Variants in RBFOX1 observed in about 807,000 individuals in gnomAD.
RBFOX1 encodes RNA binding protein fox-1 homolog 1.
RBFOX1 carries 8 observed loss-of-function variants against 57.7 expected under a neutral mutation model. The observed-to-expected ratio is 0.14, with a 90% CI of 0.08 to 0.25. The LOEUF (loss-of-function observed/expected upper bound fraction) is 0.25. Among genes scored for constraint, RBFOX1 ranks in the 10% least tolerant of loss-of-function variants. The pLI, the probability that RBFOX1 is intolerant of heterozygous loss-of-function variation, is 1.00. For missense variants in RBFOX1, 611 were observed against 548.5 expected (o/e 1.11, Z -1.14); for synonymous variants, 326 against 222.4 (o/e 1.47, Z -4.15).
intron 4 of RBFOX1, among the ~76,000 whole-genome samples, chr16:7,452,798 T>C (rs943700639): frequency 6.6e-6 from 1 of 152,038 alleles, no homozygotes; most frequent in Non-Finnish European, 1.5e-5. Context: ...AAAGAAGAAA[T>C]AACTGAATAA....
chr16:6,920,610 G>T (rs537168839), intron 3 of RBFOX1, among the ~76,000 whole-genome samples: 1 of 152,322 alleles, frequency 6.6e-6, no homozygotes, highest in South Asian at 2.1e-4. Flanking sequence ...AAATCAAGAT[G>T]TGGAGATATT....
At chr16:6,873,035 A>G (rs1178186689) in intron 3 of RBFOX1, among the ~76,000 whole-genome samples, 1 of 151,896 alleles carries the variant, frequency 6.6e-6, no homozygotes, top group Admixed American at 6.6e-5. Context: ...TGTGTTCTAT[A>G]TTCTCAGCAT....
At chr16:7,024,649 A>G (rs73536859) in intron 3 of RBFOX1, among the ~76,000 whole-genome samples, 7,654 of 152,064 alleles carry the variant, frequency 0.05, 665 homozygotes, top group African/African-American at 0.17. Context: ...GCTTAGGGAG[A>G]TCTCCTGTTC....
rs373922568 is a variant in RBFOX1, at chr16:7,538,207, A to G, written c.270+19818A>G. Among the ~76,000 whole-genome samples, 17 of 152,292 alleles carry G rather than the reference A, an allele frequency of 1.1e-4. 1 individual carries two copies. The highest frequency in any genetic ancestry group is 5.2e-4 in the Admixed American group (8 of 15,294). On this transcript the variant is annotated intron_variant, in intron 5 of 15. Coordinates refer to ENST00000550418, the MANE Select transcript of RBFOX1 (RefSeq NM_018723.4). ...GAGTGAGAGTTTGTTGAGGAAGGCT[A>G]TCTCGTGCCTGGGCTTCACTTGAAT... is the stretch of plus-strand genomic sequence containing the variant.
intron 1 of RBFOX1, among the ~76,000 whole-genome samples, chr16:6,278,465 T>C (rs2076064055): frequency 6.8e-6 from 1 of 146,432 alleles, no homozygotes; most frequent in Non-Finnish European, 1.5e-5. Flanking sequence ...CATAAATCTG[T>C]GCGTCACCTC....
intron 4 of RBFOX1, among the ~76,000 whole-genome samples, chr16:5,997,866 C>A (rs947858885): frequency 6.6e-6 from 1 of 151,728 alleles, no homozygotes; most frequent in Admixed American, 6.6e-5. Context: ...TTTTTATTTG[C>A]TGATAGTCAA....
rs1324879272 is a variant in RBFOX1 at position 7,647,546 on chromosome 16, G to GAA, written c.758-6255_758-6254dup. ...GTGAGTTAACTTGAAATTGAACTAGGAAAAAAAAAAAAAAAGCAAACTTGC... is the reference window on the plus strand; with the variant it reads ...GTGAGTTAACTTGAAATTGAACTAGGAAAAAAAAAAAAAAAAAGCAAACTTGC... On this transcript the variant is annotated intron_variant, in intron 11 of 15. Transcript: ENST00000550418. Among the ~76,000 whole-genome samples, 4 of 87,990 alleles carry GAA rather than the reference G, an allele frequency of 4.5e-5. 1 individual carries two copies. The highest frequency in any genetic ancestry group is 2.6e-5 in the Non-Finnish European group (1 of 38,152). 57.7% of individuals were successfully genotyped at this position (87,990 alleles called of 152,430 possible). A position where few individuals can be genotyped will look rare whatever the true frequency, so the allele number is the denominator to read the frequency against.
At chr16:5,522,421 A>G (rs2044058295) in intron 2 of RBFOX1, among the ~76,000 whole-genome samples, 1 of 152,250 alleles carries the variant, frequency 6.6e-6, no homozygotes, top group Admixed American at 6.5e-5. Flanking sequence ...ACTGATACAT[A>G]GTATTTGCAG....
chr16:6,139,471 A>G (rs1246485116), intron 1 of RBFOX1, among the ~76,000 whole-genome samples: 1 of 152,194 alleles, frequency 6.6e-6, no homozygotes, highest in Non-Finnish European at 1.5e-5. Flanking sequence ...CATTCAGCAC[A>G]GTTCAGCCTG....
chr16:5,321,304 T>C (rs2064397292), intron 1 of RBFOX1, among the ~76,000 whole-genome samples: 1 of 149,308 alleles, frequency 6.7e-6, no homozygotes, highest in African/African-American at 2.4e-5. Context: ...TACTAAAACA[T>C]GAGATATAAG....
intron 2 of RBFOX1, among the ~76,000 whole-genome samples, chr16:6,515,187 C>T (rs1449385613): frequency 6.6e-6 from 1 of 152,202 alleles, no homozygotes; most frequent in Non-Finnish European, 1.5e-5. Context: ...AATGTTCACT[C>T]TGGCTATACA....
At chr16:7,698,195 TG>T (rs2079427499) in intron 14 of RBFOX1, among the ~76,000 whole-genome samples, 1 of 138,708 alleles carries the variant, frequency 7.2e-6, no homozygotes, top group African/African-American at 2.9e-5. Context: ...TGTGTGTGTG[TG>T]TGTGTGTGTG....
rs528425744 is a variant in RBFOX1, at chr16:7,526,434, G to A, written c.270+8045G>A. On this transcript the variant is annotated intron_variant, in intron 5 of 15. Coordinates refer to ENST00000550418, the MANE Select transcript of RBFOX1 (RefSeq NM_018723.4). ...CTGCTTACAAGCGGAAGGAGCTCAA[G>A]CTGACCATTGAACCTCTCTGCTCTT... 7.6e-4 allele frequency among the ~76,000 whole-genome samples: 116 copies of A among 152,296 alleles called. 5 individuals carry two copies. Among genetic ancestry groups the A allele is most frequent in the Admixed American group, 3.5e-3 (53 of 15,292 alleles).
At chr16:6,075,064 A>G (rs2095879317) in intron 1 of RBFOX1, among the ~76,000 whole-genome samples, 1 of 152,216 alleles carries the variant, frequency 6.6e-6, no homozygotes, top group South Asian at 2.1e-4. Context: ...TTCTTTCACT[A>G]GAGAAGCTGG....
intron 3 of RBFOX1, among the ~76,000 whole-genome samples, chr16:6,837,822 T>C (rs2093207865): frequency 6.6e-6 from 1 of 152,134 alleles, no homozygotes; most frequent in Admixed American, 6.5e-5. Context: ...GAGGTAGCAC[T>C]TGGGACTCCA....
At chr16:6,426,360 G>T (rs2093928404) in intron 2 of RBFOX1, among the ~76,000 whole-genome samples, 1 of 152,132 alleles carries the variant, frequency 6.6e-6, no homozygotes. Flanking sequence ...GAGAAAAAGA[G>T]GGAGGGAGAA....
chr16:7,376,751 G>A (rs2097692669), intron 4 of RBFOX1, among the ~76,000 whole-genome samples: 5 of 152,246 alleles, frequency 3.3e-5, no homozygotes, highest in Admixed American at 3.3e-4. Context: ...TTAAATAACC[G>A]GAAAGTTAAA....
At chr16:5,612,932 G>A (rs1055350739) in intron 3 of RBFOX1, among the ~76,000 whole-genome samples, 4 of 152,288 alleles carry the variant, frequency 2.6e-5, no homozygotes, top group Admixed American at 1.3e-4. Context: ...ACATGGATCT[G>A]GCCCCTTCCT....
chr16:6,900,736 G>A (rs564340328), intron 3 of RBFOX1, among the ~76,000 whole-genome samples: 7 of 152,166 alleles, frequency 4.6e-5, no homozygotes, highest in Admixed American at 1.3e-4. Context: ...CCTATCTTTC[G>A]TCTAAACTGG....
Sources: gnomAD v4.1 joint callset for allele counts (sites outside exome capture counted in the v4.1 genomes callset) on GRCh38, gnomAD v4.1.1 for gene constraint, MANE v1.5 for transcripts, NCBI Gene and HGNC (gene_info 2026-07-23, HGNC 2026-07-21) for gene names.